Variants in C9orf85 observed in about 807,000 individuals in gnomAD.
C9orf85 encodes uncharacterized protein C9orf85.
In C9orf85, 16 loss-of-function variants were observed where a neutral mutation model predicts 14.9. The observed-to-expected ratio is 1.08, with a 90% CI of 0.73 to 1.63. C9orf85 has a LOEUF of 1.63. Ranked by LOEUF, C9orf85 falls within the 40% of genes most tolerant of loss-of-function variation. The pLI, the probability that C9orf85 is intolerant of heterozygous loss-of-function variation, is 0.00. For synonymous variants in C9orf85, 45 were observed against 56.8 expected, an observed-to-expected ratio of 0.79 and a Z score of 0.93; for missense variants, 172 against 186.1, an observed-to-expected ratio of 0.92 and a Z score of 0.44.
chr9:71,977,328 C>T (rs1014168386), downstream of C9orf85, among the ~76,000 whole-genome samples: 3 of 152,124 alleles, frequency 2.0e-5, no homozygotes, highest in Non-Finnish European at 4.4e-5. Context: ...GATACCTCAG[C>T]AAGTTTTATA....
intron 1 of C9orf85, among the ~76,000 whole-genome samples, chr9:71,921,593 A>G (rs140794356): frequency 5.9e-5 from 9 of 152,294 alleles, no homozygotes; most frequent in African/African-American, 2.2e-4. Context: ...AAAATGTACA[A>G]AACCAAACTG....
Position 71,911,819 on chromosome 9 carries a change from A to T in C9orf85, c.85A>T (p.Lys29Ter), listed in dbSNP as rs1014738207. 10 of 1,614,116 alleles carry T rather than the reference A, an allele frequency of 6.2e-6. No homozygotes were observed. Among genetic ancestry groups the T allele is most frequent in the Non-Finnish European group, 8.5e-6 (10 of 1,179,960 alleles). ...TAGCTTCAAAAATGACAAGTTCGAT[A>T]AAAGTGTGCAGACCAAGGTAGGAAC... is the stretch of plus-strand genomic sequence containing the variant. ...TFSFKNDKFDKSVQTKKINAK... is the reference protein window; with the variant it reads ...TFSFKNDKFD Residue 29 changes from lysine to a stop codon, truncating the protein, a stop_gained, in exon 1 of 4, where the codon AAA (lysine) becomes TAA (stop). Coordinates refer to ENST00000334731, the MANE Select transcript of C9orf85 (RefSeq NM_182505.5). LOFTEE classifies it high-confidence loss of function.
intron 1 of C9orf85, among the ~76,000 whole-genome samples, chr9:71,934,492 A>G (rs1828143378): frequency 6.6e-6 from 1 of 152,226 alleles, no homozygotes; most frequent in South Asian, 2.1e-4. Context: ...TTGCATCAAA[A>G]GACACTTATC....
chr9:71,961,633 A>T (rs1410716719), intron 2 of C9orf85, among the ~76,000 whole-genome samples: 1 of 152,144 alleles, frequency 6.6e-6, no homozygotes, highest in African/African-American at 2.4e-5. Flanking sequence ...AGTCATTGAT[A>T]GCTCTTTGTA....
chr9:71,971,529 G>A lies in C9orf85; in HGVS notation c.234G>A (p.Val78=), dbSNP rs772408978. 2 of 1,600,564 alleles carry A rather than the reference G, an allele frequency of 1.2e-6. No homozygotes were observed. Among genetic ancestry groups the A allele is most frequent in the African/African-American group, 2.7e-5 (2 of 74,228 alleles). ...GTGTTAAATGTTTACAAAAGACAGT[G>A]AAGGATTCTTATCACATAATGTGCA... ...KKCVKCLQKT[V]KDSYHIMCRP... The change falls in exon 3 of 4, where the codon GTG becomes GTA. Residue 78 remains valine (V), a synonymous_variant. Coordinates refer to ENST00000334731, the MANE Select transcript of C9orf85 (RefSeq NM_182505.5).
Position 71,911,693 on chromosome 9 carries a change from C to G in C9orf85, c.-42C>G. ...GTTCGTTGGTTTTCTTTCCCCTCAT[C>G]CTTTTGCCTGCTCCCGGCGAGGGGT... On this transcript the variant is annotated 5_prime_UTR_variant, in exon 1 of 4. In the 5' UTR this introduces an upstream ATG that the reference lacks. Transcript: ENST00000334731. The G allele has an allele frequency of 1.9e-6, 3 of 1,558,658 alleles. No individual in the cohort carries two copies. The highest frequency in any genetic ancestry group is 2.7e-6 in the Non-Finnish European group (3 of 1,129,536).
downstream of C9orf85, among the ~76,000 whole-genome samples, chr9:71,974,621 A>G (rs1003036116): frequency 2.6e-5 from 4 of 152,120 alleles, no homozygotes; most frequent in African/African-American, 4.8e-5. Flanking sequence ...TAGCATGAGC[A>G]TTGTTACATG....
chr9:71,982,390 T>G (rs777401388), intron 3 of C9orf85, among the ~76,000 whole-genome samples: 13 of 152,172 alleles, frequency 8.5e-5, no homozygotes, highest in Non-Finnish European at 1.3e-4. Context: ...TCATTTTTCG[T>G]GGATATATAT....
At position 71,973,421 on chromosome 9, in the gene C9orf85, T is replaced by G. The variant is rs1159077513; in HGVS notation, c.*579T>G. On this transcript the variant is annotated 3_prime_UTR_variant, in exon 4 of 4. Transcript: ENST00000334731. ...AAAATTGGTCCTCGGTAAGTGCCTTTTGATAAATGATCTCAAATAAATGAC... is the reference window on the plus strand; with the variant it reads ...AAAATTGGTCCTCGGTAAGTGCCTTGTGATAAATGATCTCAAATAAATGAC... The G allele has an allele frequency of 2.0e-5, 3 of 152,318 alleles. No homozygotes were observed. The East Asian group carries it at 5.8e-4, about 29-fold the overall frequency. The allele number at this position is 152,318 out of a possible 1,614,324, so 9.4% of individuals were successfully genotyped here.
chr9:71,968,719 A>G (rs759861309), intron 2 of C9orf85, among the ~76,000 whole-genome samples: 2 of 152,176 alleles, frequency 1.3e-5, no homozygotes, highest in Non-Finnish European at 2.9e-5. Context: ...TTTTACTTCT[A>G]TAGAAGGGTG....
At chr9:71,968,658 C>T (rs116988931) in intron 2 of C9orf85, among the ~76,000 whole-genome samples, 1,776 of 152,148 alleles carry the variant, frequency 0.012, 15 homozygotes, top group Non-Finnish European at 0.02. Context: ...AATAAATTTT[C>T]GGTGCCACCA....
At chr9:71,927,256 G>T (rs931761439) in intron 1 of C9orf85, among the ~76,000 whole-genome samples, 3 of 100,550 alleles carry the variant, frequency 3.0e-5, no homozygotes, top group African/African-American at 1.1e-4. Flanking sequence ...CATCCAGGCT[G>T]AAAGTTTGTC....
intron 1 of C9orf85, among the ~76,000 whole-genome samples, chr9:71,945,962 C>CA (rs1253721472): frequency 2.6e-5 from 4 of 152,130 alleles, no homozygotes; most frequent in Non-Finnish European, 5.9e-5. Context: ...GAGTATGTTA[C>CA]AAAAATATAA....
chr9:71,958,242 TTTTTTATA>T (rs1249178240), intron 2 of C9orf85, among the ~76,000 whole-genome samples: 2 of 119,946 alleles, frequency 1.7e-5, no homozygotes, highest in East Asian at 5.0e-4. Context: ...TATATATATA[TTTTTTATA>T]TTTTTATATA....
chr9:71,971,223 A>G (rs763937074), intron 2 of C9orf85, among the ~76,000 whole-genome samples: 1 of 152,204 alleles, frequency 6.6e-6, no homozygotes, highest in Non-Finnish European at 1.5e-5. Flanking sequence ...GTATAGAAAT[A>G]CAGTTGAGTT....
At chr9:71,936,807 T>C (rs555536872) in intron 1 of C9orf85, among the ~76,000 whole-genome samples, 1 of 148,554 alleles carries the variant, frequency 6.7e-6, no homozygotes, top group Admixed American at 6.8e-5. Context: ...GGTCTCACTC[T>C]GTCACCAGTG....
At chr9:71,984,140 C>T (rs569719186), downstream of C9orf85, 2 of 152,294 alleles carry the variant, frequency 1.3e-5, no homozygotes, top group East Asian at 3.9e-4. Flanking sequence ...ATATTCTAGA[C>T]CCTCTTTGTT....
intron 1 of C9orf85, among the ~76,000 whole-genome samples, chr9:71,924,150 G>A (rs1827878383): frequency 6.6e-6 from 1 of 152,120 alleles, no homozygotes; most frequent in African/African-American, 2.4e-5. Flanking sequence ...TGATTAATTT[G>A]GTCCCTGTAG....
chr9:71,946,965 ACG>A (rs752210762), intron 1 of C9orf85, 39 bp from the exon 2 acceptor site: 26 of 1,402,330 alleles, frequency 1.9e-5, no homozygotes, highest in African/African-American at 1.1e-4. Flanking sequence ...ATGCTGGCTC[ACG>A]CGTGAAATTC....
Sources: gnomAD v4.1 joint callset for allele counts (sites outside exome capture counted in the v4.1 genomes callset) on GRCh38, gnomAD v4.1.1 for gene constraint, MANE v1.5 for transcripts, NCBI Gene and HGNC (gene_info 2026-07-23, HGNC 2026-07-21) for gene names.